The following PID1 variants were observed in gnomAD, a reference collection of about 807,000 sequenced individuals.
PID1 encodes PTB-containing, cubilin and LRP1-interacting protein.
PID1 carries 10 observed loss-of-function variants against 19.1 expected under a neutral mutation model. The ratio of observed to expected loss-of-function variants is 0.52; its 90% CI spans 0.32 to 0.89. PID1 has a LOEUF of 0.89. PID1 is among the 40% of genes least tolerant of loss of function. The probability of loss-of-function intolerance (pLI) is 0.03; values close to 1 mark genes in which losing one functional copy is unlikely to be tolerated. For synonymous variants in PID1, 130 were observed against 116.0 expected (o/e 1.12, Z -0.78); for missense variants, 248 against 285.3 (o/e 0.87, Z 0.94).
intron 1 of PID1, chr2:229,262,761 C>A (rs367702201): frequency 3.9e-6 from 6 of 1,551,444 alleles, no homozygotes; most frequent in African/African-American, 1.4e-5. Flanking sequence ...AAGAACATGT[C>A]CTCGACTCTT....
At chr2:229,154,904 T>C (rs1004551597) in intron 2 of PID1, among the ~76,000 whole-genome samples, 1 of 152,186 alleles carries the variant, frequency 6.6e-6, no homozygotes, top group Non-Finnish European at 1.5e-5. Flanking sequence ...AAAGAGAGTA[T>C]CGTGTGAGAA....
At chr2:229,166,260 T>C (rs1473521592) in intron 1 of PID1, among the ~76,000 whole-genome samples, 1 of 152,158 alleles carries the variant, frequency 6.6e-6, no homozygotes, top group African/African-American at 2.4e-5. Context: ...AGGAAATAGA[T>C]CAATGGATAG....
chr2:229,073,649 C>A (rs1451791649), intron 2 of PID1, among the ~76,000 whole-genome samples: 1 of 152,144 alleles, frequency 6.6e-6, no homozygotes, highest in Non-Finnish European at 1.5e-5. Flanking sequence ...GACAACAGAA[C>A]TATAATTACT....
chr2:229,032,658 C>A (rs1033895315), intron 2 of PID1, among the ~76,000 whole-genome samples: 3 of 152,148 alleles, frequency 2.0e-5, no homozygotes, highest in Non-Finnish European at 4.4e-5. Context: ...CTGGAAATTG[C>A]GGTAAATACC....
intron 2 of PID1, among the ~76,000 whole-genome samples, chr2:229,079,724 A>T (rs973597849): frequency 6.6e-6 from 1 of 152,208 alleles, no homozygotes; most frequent in African/African-American, 2.4e-5. Context: ...GATGAGACCA[A>T]TCTTTCTCTG....
chr2:229,224,308 A>C (rs551824310), intron 1 of PID1, among the ~76,000 whole-genome samples: 3 of 152,324 alleles, frequency 2.0e-5, no homozygotes, highest in African/African-American at 7.2e-5. Context: ...ACTACCATTC[A>C]ACCCAGCAAT....
intron 1 of PID1, among the ~76,000 whole-genome samples, chr2:229,243,204 T>C (rs1574753114): frequency 6.6e-6 from 1 of 152,142 alleles, no homozygotes; most frequent in East Asian, 1.9e-4. Context: ...AGCCATCAGA[T>C]CTCGTGAGAT....
At chr2:229,257,608 G>C (rs1203293597) in intron 1 of PID1, among the ~76,000 whole-genome samples, 3 of 152,152 alleles carry the variant, frequency 2.0e-5, no homozygotes, top group East Asian at 1.9e-4. Flanking sequence ...CAGAGCCCCA[G>C]ACTGGACAAT....
At chr2:229,057,454 TA>T (rs33998510) in intron 2 of PID1, among the ~76,000 whole-genome samples, 6,146 of 119,864 alleles carry the variant, frequency 0.051, 132 homozygotes, top group Non-Finnish European at 0.062. Context: ...AAACTCTGTC[TA>T]AAAAAAAAAA....
At position 229,046,576 on chromosome 2, in the gene PID1, T is replaced by TA. The variant is rs397937932; in HGVS notation, c.178-20469dup. 9.8e-3 allele frequency among the ~76,000 whole-genome samples: 1,436 copies of TA among 147,132 alleles called. 29 individuals carry two copies. The highest frequency in any genetic ancestry group is 0.033 in the African/African-American group (1,258 of 38,584). On this transcript the variant is annotated intron_variant, in intron 2 of 2. Coordinates refer to ENST00000392055, the MANE Select transcript of PID1 (RefSeq NM_001100818.2). ...TTACCTTAATTTCTTTCAGAAAAAG[T>TA]AAAAAAAAAATTATATAATTTAAGC... is the stretch of plus-strand genomic sequence containing the variant.
intron 2 of PID1, among the ~76,000 whole-genome samples, chr2:229,034,607 A>T (rs914371881): frequency 6.6e-6 from 1 of 152,110 alleles, no homozygotes; most frequent in Non-Finnish European, 1.5e-5. Context: ...AGCATCAGCC[A>T]TCAAGGAGTT....
intron 2 of PID1, among the ~76,000 whole-genome samples, chr2:229,030,587 T>TTC (rs71412188): frequency 1.3e-5 from 2 of 151,458 alleles, no homozygotes; most frequent in African/African-American, 2.4e-5. Context: ...AAGGCACACT[T>TTC]TCTCTCTCTC....
chr2:229,264,876 C>A (rs1228943245), intron 1 of PID1, among the ~76,000 whole-genome samples: 2 of 152,146 alleles, frequency 1.3e-5, no homozygotes, highest in Non-Finnish European at 2.9e-5. Flanking sequence ...AGTAGATGGA[C>A]AAGAAAGATG....
At chr2:229,071,270 G>A (rs1694445594) in intron 2 of PID1, among the ~76,000 whole-genome samples, 1 of 152,114 alleles carries the variant, frequency 6.6e-6, no homozygotes, top group Admixed American at 6.6e-5. Flanking sequence ...CACAGTCCAT[G>A]GTATCACCTC....
intron 2 of PID1, among the ~76,000 whole-genome samples, chr2:229,051,347 T>C (rs1693991659): frequency 6.6e-6 from 1 of 152,212 alleles, no homozygotes; most frequent in African/African-American, 2.4e-5. Flanking sequence ...TTTTCTATTT[T>C]AATTTTTTGA....
At chr2:229,265,146 T>A (rs1318270095) in intron 1 of PID1, among the ~76,000 whole-genome samples, 1 of 152,250 alleles carries the variant, frequency 6.6e-6, no homozygotes, top group South Asian at 2.1e-4. Flanking sequence ...TTCGTTATTT[T>A]TTTTTTACCC....
At position 229,226,162 on chromosome 2, in the gene PID1, T is replaced by C. The variant is rs529254496; in HGVS notation, c.30+44852A>G. ...CCAGCCAGGATGCTGATGCAAATCT[T>C]AGTTCTTGTTTTAATTGGTGAGCCA... On this transcript the variant is annotated intron_variant, in intron 1 of 2. Coordinates refer to ENST00000392055, the MANE Select transcript of PID1 (RefSeq NM_001100818.2). Among the ~76,000 whole-genome samples the C allele has an allele frequency of 1.0e-3, 158 of 152,296 alleles. 1 individual carries two copies. The highest frequency in any genetic ancestry group is 4.8e-3 in the South Asian group (23 of 4,828).
chr2:229,146,425 C>A (rs536792029), intron 2 of PID1, among the ~76,000 whole-genome samples: 1 of 152,164 alleles, frequency 6.6e-6, no homozygotes, highest in Non-Finnish European at 1.5e-5. Flanking sequence ...AGCAAACCAC[C>A]ATGGCACATG....
chr2:229,254,989 G>C (rs948628790), intron 1 of PID1, among the ~76,000 whole-genome samples: 3 of 152,180 alleles, frequency 2.0e-5, no homozygotes, highest in Admixed American at 1.3e-4. Context: ...CAGATTCGAG[G>C]AGAGAGAGTA....
Sources: gnomAD v4.1 joint callset for allele counts (sites outside exome capture counted in the v4.1 genomes callset) on GRCh38, gnomAD v4.1.1 for gene constraint, MANE v1.5 for transcripts, NCBI Gene and HGNC (gene_info 2026-07-23, HGNC 2026-07-21) for gene names.